The following CLTC variants were observed in gnomAD, a reference collection of about 807,000 sequenced individuals.
The protein encoded by CLTC is clathrin heavy chain.
A neutral mutation model predicts 195.8 loss-of-function variants in CLTC; 16 were observed. That is an observed-to-expected ratio of 0.08 (90% confidence interval 0.06 to 0.12). The LOEUF is 0.12. CLTC is among the 10% of genes least tolerant of loss of function. The pLI is 1.00. For synonymous variants in CLTC, 667 were observed against 689.4 expected, an observed-to-expected ratio of 0.97 and a Z score of 0.51; for missense variants, 796 against 2,027.0, an observed-to-expected ratio of 0.39 and a Z score of 11.66.
intron 4 of CLTC, 90 bp from the exon 5 acceptor site, chr17:59,651,113 G>T: frequency 1.3e-6 from 1 of 762,940 alleles, no homozygotes; most frequent in Non-Finnish European, 2.3e-6. Context: ...AGAACATGTT[G>T]GTTGTTTCCA....
chr17:59,665,040 C>A, intron 10 of CLTC, 131 bp downstream of exon 10: 1 of 1,150,116 alleles, frequency 8.7e-7, no homozygotes, highest in South Asian at 1.6e-5. Context: ...GTCTGGGCAA[C>A]ATTGTGAGAC....
At chr17:59,632,948 G>A (rs745900872) in intron 1 of CLTC, among the ~76,000 whole-genome samples, 4 of 152,086 alleles carry the variant, frequency 2.6e-5, no homozygotes, top group Non-Finnish European at 4.4e-5. Flanking sequence ...CACAAAAATT[G>A]TACTTAAAAT....
intron 1 of CLTC, among the ~76,000 whole-genome samples, chr17:59,627,237 T>A (rs2031579585): frequency 6.6e-6 from 1 of 152,184 alleles, no homozygotes; most frequent in Non-Finnish European, 1.5e-5. Flanking sequence ...ATCTTAATTG[T>A]CCTGTAATCT....
At position 59,695,070 on chromosome 17, in the gene CLTC, T is replaced by C. The variant is rs2143625916; in HGVS notation, c.*1218T>C. 1 of 207,828 alleles carries C rather than the reference T, an allele frequency of 4.8e-6. No homozygotes were observed. The allele number at this position is 207,828 out of a possible 1,614,324, so 12.9% of individuals were successfully genotyped here. On this transcript the variant is annotated 3_prime_UTR_variant, in exon 32 of 32. Coordinates refer to ENST00000269122, the MANE Select transcript of CLTC (RefSeq NM_004859.4). ...GCATTTCACTTAAATGAACAAATCA[T>C]GGCTGTTATATTAACTTGAAATAAA...
rs142283994 is a variant in CLTC, at chr17:59,677,099, C to A, written c.2707C>A (p.Arg903Ser). ...TCGTGAAAATCCCTACTATGACAGT[C>A]GCGTTGTTGGAAAGTATTGTGAGAA... ...FLRENPYYDS[R>S]VVGKYCEKRD... The change falls in exon 17 of 32, where the codon CGC (arginine) becomes AGC (serine). Residue 903 changes from arginine (R) to serine (S), a missense_variant. Physicochemically the swap from Arg to Ser is moderately radical, Grantham distance 110. Transcript: ENST00000269122. The A allele has an allele frequency of 6.2e-7, 1 of 1,613,996 alleles. No homozygotes were observed. The highest frequency in any genetic ancestry group is 1.1e-5 in the South Asian group (1 of 91,056).
chr17:59,666,400 AC>A lies in CLTC; in HGVS notation c.1783-78del. On this transcript the variant is annotated intron_variant, in intron 11 of 31. Coordinates refer to ENST00000269122, the MANE Select transcript of CLTC (RefSeq NM_004859.4). The surrounding 1 kb of genome is among the most constrained non-coding windows in gnomAD (Gnocchi z 4.9). ...TTGTACTTTAACAGTTCACTATTAA[AC>A]CTTAATCTGTAATACGGATATTGAA... 1 of 1,538,504 alleles carries A rather than the reference AC, an allele frequency of 6.5e-7. No individual in the cohort carries two copies. The highest frequency in any genetic ancestry group is 1.2e-5 in the South Asian group (1 of 82,904).
chr17:59,670,656 A>T (rs1451407056), intron 14 of CLTC, among the ~76,000 whole-genome samples: 2 of 152,056 alleles, frequency 1.3e-5, no homozygotes, highest in Admixed American at 6.6e-5. Context: ...TTGGATTTTA[A>T]TATTTGAGTT....
chr17:59,648,631 T>G lies in CLTC; in HGVS notation c.681+230T>G, dbSNP rs1368729559. 2.1e-6 allele frequency: 1 copy of G among 486,946 alleles called. No homozygotes were observed. 30.2% of individuals were successfully genotyped at this position (486,946 alleles called of 1,614,324 possible). On this transcript the variant is annotated intron_variant, in intron 4 of 31. Transcript: ENST00000269122. The surrounding 1 kb of genome is among the most constrained non-coding windows in gnomAD (Gnocchi z 4.5). ...TGTTTATATTCTTTGATTGCTAAAG[T>G]GCACATTTATATGCTGTACATCTAG...
chr17:59,661,686 A>C, intron 8 of CLTC, 43 bp downstream of exon 8: 2 of 1,553,400 alleles, frequency 1.3e-6, no homozygotes, highest in Non-Finnish European at 1.8e-6. Context: ...TGGTTGCATT[A>C]AATATGATAT....
At position 59,648,224 on chromosome 17, in the gene CLTC, C is replaced by A; in HGVS notation, c.520-16C>A. 2 of 1,598,986 alleles carry A rather than the reference C, an allele frequency of 1.3e-6. No individual in the cohort carries two copies. The highest frequency in any genetic ancestry group is 1.1e-5 in the South Asian group (1 of 89,184). On this transcript the variant is annotated splice_polypyrimidine_tract_variant and intron_variant, in intron 3 of 31. Transcript: ENST00000269122. The surrounding 1 kb of genome is among the most constrained non-coding windows in gnomAD (Gnocchi z 4.5). ...TTTATGGGTCTTCAAACGTTATTCT[C>A]TTTGATCCTTTATAGCAAAATCGTG... is the stretch of plus-strand genomic sequence containing the variant.
Position 59,685,541 on chromosome 17 carries a change from G to A in CLTC, c.4606-46G>A, listed in dbSNP as rs1334186518. 6.7e-7 allele frequency: 1 copy of A among 1,484,878 alleles called. No homozygotes were observed. Among genetic ancestry groups the A allele is most frequent in the Non-Finnish European group, 9.4e-7 (1 of 1,068,106 alleles). The allele number at this position is 1,484,878 out of a possible 1,614,324, so 92.0% of individuals were successfully genotyped here. On this transcript the variant is annotated intron_variant, in intron 29 of 31. Coordinates refer to ENST00000269122, the MANE Select transcript of CLTC (RefSeq NM_004859.4). This position sits in a 1 kb window ranked among gnomAD's most constrained non-coding sequence, Gnocchi z 5.0. ...TTGTTTTTCTTGGTTTACTAGTTCA[G>A]TATGTGGGGTCTAATGTTTTTGACT... is the stretch of plus-strand genomic sequence containing the variant.
chr17:59,683,763 T>A lies in CLTC; in HGVS notation c.4323+7T>A. 1 of 1,614,096 alleles carries A rather than the reference T, an allele frequency of 6.2e-7. No homozygotes were observed. The highest frequency in any genetic ancestry group is 8.5e-7 in the Non-Finnish European group (1 of 1,179,980). ...AGTCAATTATTTCAGCAAGGTAAAGTAATAATTTTAAACCAAAGCTTCATA... is the reference window on the plus strand; with the variant it reads ...AGTCAATTATTTCAGCAAGGTAAAGAAATAATTTTAAACCAAAGCTTCATA... On this transcript the variant is annotated splice_region_variant and intron_variant, in intron 27 of 31. Transcript: ENST00000269122. This position sits in a 1 kb window ranked among gnomAD's most constrained non-coding sequence, Gnocchi z 6.1.
intron 2 of CLTC, 46 bp downstream of exon 2, chr17:59,644,529 G>GTT: frequency 8.8e-6 from 10 of 1,130,216 alleles, no homozygotes; most frequent in South Asian, 1.4e-5. Flanking sequence ...CTATGTTTTT[G>GTT]TTTTTTTTTG....
At chr17:59,635,193 A>G (rs1450779198) in intron 1 of CLTC, among the ~76,000 whole-genome samples, 5 of 152,160 alleles carry the variant, frequency 3.3e-5, no homozygotes. Flanking sequence ...ACAGTAGCTC[A>G]TACATACTTC....
intron 8 of CLTC, among the ~76,000 whole-genome samples, chr17:59,661,905 C>T (rs1335247505): frequency 6.6e-6 from 1 of 151,982 alleles, no homozygotes; most frequent in East Asian, 1.9e-4. Flanking sequence ...GAGTTTGAGA[C>T]CAGCCTGACC....
chr17:59,664,386 T>C (rs530224508), intron 9 of CLTC, among the ~76,000 whole-genome samples: 5 of 152,056 alleles, frequency 3.3e-5, no homozygotes, highest in African/African-American at 1.2e-4. Flanking sequence ...ACCTTGTCTT[T>C]ACTAAAAATA....
At position 59,620,040 on chromosome 17, in the gene CLTC, C is replaced by A. The variant is rs564507054; in HGVS notation, c.-92C>A. The stretch of plus-strand genomic sequence containing the variant: ...GGATCCTGCTGAGCCCAGCCTCCCC[C>A]CTCCCCTTCTCCTCCTCTCCCTTGG... On this transcript the variant is annotated 5_prime_UTR_variant, in exon 1 of 32. Coordinates refer to ENST00000269122, the MANE Select transcript of CLTC (RefSeq NM_004859.4). The A allele has an allele frequency of 9.2e-5, 107 of 1,163,328 alleles. 1 individual carries two copies. The East Asian group carries it at 2.4e-3, about 26-fold the overall frequency. The allele number at this position is 1,163,328 out of a possible 1,614,324, so 72.1% of individuals were successfully genotyped here. A position where few individuals can be genotyped will look rare whatever the true frequency, so the allele number is the denominator to read the frequency against.
At chr17:59,673,131 T>C (rs1241738085) in intron 14 of CLTC, among the ~76,000 whole-genome samples, 1 of 152,036 alleles carries the variant, frequency 6.6e-6, no homozygotes, top group Non-Finnish European at 1.5e-5. Flanking sequence ...GGTTTTCTTA[T>C]GGCCACATGT....
chr17:59,656,920 C>T (rs187685403), intron 6 of CLTC, among the ~76,000 whole-genome samples: 3 of 152,066 alleles, frequency 2.0e-5, no homozygotes, highest in Admixed American at 2.0e-4. Flanking sequence ...GATCCACCCG[C>T]CCCAGCCTCC....
Sources: allele counts gnomAD v4.1 joint callset (sites outside exome capture counted in the v4.1 genomes callset), GRCh38; gene constraint gnomAD v4.1.1; non-coding constraint Gnocchi (gnomAD v3.1); transcripts MANE v1.5; gene names NCBI Gene and HGNC (gene_info 2026-07-23, HGNC 2026-07-21).